Variants in ZNF362 observed in about 807,000 individuals in gnomAD.
The protein encoded by ZNF362 is rotund homolog.
Under a neutral mutation model 42.9 loss-of-function variants are expected in ZNF362, and 11 were observed. The observed-to-expected ratio is 0.26, with a 90% CI of 0.16 to 0.42. ZNF362 has a LOEUF of 0.42. Among genes scored for constraint, ZNF362 ranks in the 20% least tolerant of loss-of-function variants. The pLI, the probability that ZNF362 is intolerant of heterozygous loss-of-function variation, is 1.00. For synonymous variants in ZNF362, 255 were observed against 257.3 expected, an observed-to-expected ratio of 0.99 and a Z score of 0.09; for missense variants, 362 against 576.2, an observed-to-expected ratio of 0.63 and a Z score of 3.81.
upstream of ZNF362, among the ~76,000 whole-genome samples, chr1:33,256,113 T>C (rs1056699297): frequency 1.3e-5 from 2 of 150,046 alleles, no homozygotes; most frequent in Admixed American, 1.3e-4. Context: ...AGGAGTTCCT[T>C]TGTGGCTCTG....
the ZNF362 span, among the ~76,000 whole-genome samples, chr1:33,188,995 A>G: frequency 6.6e-6 from 1 of 152,144 alleles, no homozygotes; most frequent in Non-Finnish European, 1.5e-5. Flanking sequence ...CGAGTCCCTG[A>G]GCAATCAGCT....
chr1:33,289,866 G>C (rs1056335309), intron 6 of ZNF362, among the ~76,000 whole-genome samples: 2 of 152,308 alleles, frequency 1.3e-5, no homozygotes, highest in Non-Finnish European at 2.9e-5. Context: ...CGATGTCTTT[G>C]TTTCCTGCGA....
chr1:33,156,026 T>G, the ZNF362 span, among the ~76,000 whole-genome samples: 1 of 152,226 alleles, frequency 6.6e-6, no homozygotes, highest in Non-Finnish European at 1.5e-5. Flanking sequence ...CCACTGGCTT[T>G]GGTGCCCACT....
Position 33,276,386 on chromosome 1 carries a change from G to A in ZNF362, c.141G>A (p.Gln47=). The A allele has an allele frequency of 3.2e-6, 5 of 1,572,382 alleles. No homozygotes were observed. Among genetic ancestry groups the A allele is most frequent in the Non-Finnish European group, 4.3e-6 (5 of 1,159,096 alleles). Residue 47 remains glutamine, a synonymous_variant, in exon 4 of 9, where the codon CAG becomes CAA. Coordinates refer to ENST00000539719, the MANE Select transcript of ZNF362 (RefSeq NM_152493.3). ...TTCTGATTAACAAGATCAAGGAGCAGCTGATGGCCGAGAAGATCAGGCCGC... is the reference window on the plus strand; with the variant it reads ...TTCTGATTAACAAGATCAAGGAGCAACTGATGGCCGAGAAGATCAGGCCGC... ...NLVLINKIKE[Q]LMAEKIRPPH...
chr1:33,183,186 C>T, the ZNF362 span, among the ~76,000 whole-genome samples: 1 of 152,154 alleles, frequency 6.6e-6, no homozygotes, highest in African/African-American at 2.4e-5. Flanking sequence ...ATTGCAAGTA[C>T]AGACACGGTG....
At chr1:33,209,352 G>A in the ZNF362 span, among the ~76,000 whole-genome samples, 1 of 152,276 alleles carries the variant, frequency 6.6e-6, no homozygotes, top group South Asian at 2.1e-4. Flanking sequence ...TTGCATTGAT[G>A]TTCATCAGGG....
the ZNF362 span, among the ~76,000 whole-genome samples, chr1:33,216,805 CA>C: frequency 1.0e-3 from 157 of 151,878 alleles, 2 homozygotes; most frequent in Middle Eastern, 6.8e-3. Context: ...GTAGAGTCAG[CA>C]CATAGGATGG....
rs115459056 is a variant in ZNF362, at chr1:33,286,176, G to A, written c.908+4365G>A. 8.8e-3 allele frequency among the ~76,000 whole-genome samples: 1,339 copies of A among 152,322 alleles called. 20 individuals are homozygous for A. Among genetic ancestry groups the A allele is most frequent in the African/African-American group, 0.031 (1,275 of 41,576 alleles). ...AAATCTTTGGTGTTGCCCAGCAGCC[G>A]TCTGGAAATGCCAAGAGCAATTGTA... On this transcript the variant is annotated intron_variant, in intron 6 of 8. Transcript: ENST00000539719.
At chr1:33,268,463 G>T (rs1645879364) in intron 1 of ZNF362, among the ~76,000 whole-genome samples, 1 of 152,224 alleles carries the variant, frequency 6.6e-6, no homozygotes, top group South Asian at 2.1e-4. Flanking sequence ...AGCAGAGATG[G>T]ATGAGCAAAC....
intron 4 of ZNF362, among the ~76,000 whole-genome samples, chr1:33,277,049 A>G (rs1196239802): frequency 6.6e-6 from 1 of 152,228 alleles, no homozygotes; most frequent in Non-Finnish European, 1.5e-5. Flanking sequence ...TGTGTGTAGG[A>G]AGCAAGAGTA....
chr1:33,267,424 G>C (rs1435573260), intron 1 of ZNF362, among the ~76,000 whole-genome samples: 3 of 152,052 alleles, frequency 2.0e-5, no homozygotes. Context: ...AGATGTCCTT[G>C]CTCCATCTAT....
intron 6 of ZNF362, among the ~76,000 whole-genome samples, chr1:33,282,597 G>A (rs1646003556): frequency 6.6e-6 from 1 of 152,120 alleles, no homozygotes; most frequent in African/African-American, 2.4e-5. Context: ...TGAGGCGGGT[G>A]GATCACCTGA....
chr1:33,232,674 C>T, the ZNF362 span, among the ~76,000 whole-genome samples: 4 of 152,224 alleles, frequency 2.6e-5, no homozygotes, highest in African/African-American at 7.2e-5. Context: ...AAGCTGACAC[C>T]GCTTGAAGAC....
At chr1:33,152,729 A>G in the ZNF362 span, among the ~76,000 whole-genome samples, 1 of 152,190 alleles carries the variant, frequency 6.6e-6, no homozygotes, top group Non-Finnish European at 1.5e-5. Flanking sequence ...AAATGCAACT[A>G]TCCTTGTTTT....
At chr1:33,173,642 A>G in the ZNF362 span, among the ~76,000 whole-genome samples, 1 of 150,650 alleles carries the variant, frequency 6.6e-6, no homozygotes, top group East Asian at 1.9e-4. Flanking sequence ...CTTCAGGGAC[A>G]CTTAGTGGTT....
chr1:33,298,189 T>A (rs895359641), intron 8 of ZNF362, among the ~76,000 whole-genome samples: 1 of 152,058 alleles, frequency 6.6e-6, no homozygotes, highest in South Asian at 2.1e-4. Flanking sequence ...TCAGGTCAGA[T>A]CCAGCAGAGC....
the ZNF362 span, among the ~76,000 whole-genome samples, chr1:33,168,749 C>T: frequency 3.9e-5 from 6 of 152,200 alleles, no homozygotes; most frequent in Non-Finnish European, 1.5e-5. Context: ...TCAGGTGCCT[C>T]TGACAGCCTT....
chr1:33,174,636 G>A, the ZNF362 span, among the ~76,000 whole-genome samples: 7 of 152,160 alleles, frequency 4.6e-5, no homozygotes, highest in African/African-American at 1.4e-4. Flanking sequence ...AACCCAGTCC[G>A]TGGAACAATC....
chr1:33,256,191 G>A (rs1645788109), upstream of ZNF362, among the ~76,000 whole-genome samples: 1 of 143,772 alleles, frequency 7.0e-6, no homozygotes, highest in Admixed American at 6.9e-5. Context: ...CGGCGGCGGC[G>A]GCGACGGCGA....
Sources: gnomAD v4.1 joint callset for allele counts (sites outside exome capture counted in the v4.1 genomes callset) on GRCh38, gnomAD v4.1.1 for gene constraint, MANE v1.5 for transcripts, NCBI Gene and HGNC (gene_info 2026-07-23, HGNC 2026-07-21) for gene names.